HELZ: variants seen among roughly 807,000 people sequenced by gnomAD.
HELZ encodes helicase with zinc finger.
Under a neutral mutation model 218.2 loss-of-function variants are expected in HELZ, and 23 were observed. The ratio of observed to expected loss-of-function variants is 0.11; its 90% CI spans 0.08 to 0.15. The LOEUF is 0.15. HELZ is among the 10% of genes least tolerant of loss of function. The pLI, the probability that HELZ is intolerant of heterozygous loss-of-function variation, is 1.00. For missense variants in HELZ, 1,813 were observed against 2,353.7 expected, an observed-to-expected ratio of 0.77 and a Z score of 4.75; for synonymous variants, 814 against 829.4, an observed-to-expected ratio of 0.98 and a Z score of 0.32.
chr17:67,196,623 T>C (rs892740023), intron 7 of HELZ, among the ~76,000 whole-genome samples: 1 of 110,526 alleles, frequency 9.0e-6, no homozygotes, highest in Non-Finnish European at 1.8e-5. Flanking sequence ...GGTGGGTGGA[T>C]GGGAACATGG....
At chr17:67,173,815 C>A (rs1175182608) in intron 13 of HELZ, among the ~76,000 whole-genome samples, 1 of 151,892 alleles carries the variant, frequency 6.6e-6, no homozygotes, top group African/African-American at 2.4e-5. Context: ...CCACACTAGG[C>A]CTGTCACCAA....
intron 22 of HELZ, among the ~76,000 whole-genome samples, chr17:67,137,547 TAA>T (rs1232934912): frequency 1.3e-5 from 2 of 152,196 alleles, no homozygotes; most frequent in Non-Finnish European, 2.9e-5. Flanking sequence ...GAACATAATT[TAA>T]AAGAGTTGCT....
intron 23 of HELZ, among the ~76,000 whole-genome samples, chr17:67,132,063 G>A (rs1315783182): frequency 6.6e-6 from 1 of 152,124 alleles, no homozygotes; most frequent in African/African-American, 2.4e-5. Context: ...AAACCCAAGT[G>A]TGTATTACAC....
chr17:67,144,046 A>G (rs1266817247), intron 21 of HELZ, among the ~76,000 whole-genome samples: 2 of 152,174 alleles, frequency 1.3e-5, no homozygotes, highest in African/African-American at 4.8e-5. Flanking sequence ...TATAAAAGAT[A>G]TCATTTTCCC....
Position 67,109,486 on chromosome 17 carries a change from A to G in HELZ, c.4119T>C (p.Ile1373=). Residue 1373 remains isoleucine, a synonymous_variant, in exon 29 of 33, where the codon ATT becomes ATC. Coordinates refer to ENST00000358691, the MANE Select transcript of HELZ (RefSeq NM_014877.4). ...LPQLPRPPFP[I]PQQHTLLNQQ... is the part of the protein sequence containing the mutation. The stretch of plus-strand genomic sequence containing the variant: ...GATTTAACAAGGTGTGCTGCTGTGG[A>G]ATTGGAAAGGGTGGTCTTGGTAGCT... The G allele has an allele frequency of 1.2e-6, 2 of 1,614,022 alleles. No individual in the cohort carries two copies. The highest frequency in any genetic ancestry group is 1.3e-5 in the African/African-American group (1 of 74,972).
intron 5 of HELZ, among the ~76,000 whole-genome samples, chr17:67,207,207 C>T (rs370122709): frequency 6.4e-5 from 9 of 141,164 alleles, no homozygotes; most frequent in Non-Finnish European, 9.1e-5. Context: ...CCACCACGCC[C>T]GGCCTTTTTT....
At chr17:67,142,378 G>C (rs1000387404) in intron 21 of HELZ, among the ~76,000 whole-genome samples, 1 of 152,018 alleles carries the variant, frequency 6.6e-6, no homozygotes, top group Admixed American at 6.5e-5. Flanking sequence ...ATTGTGGCAT[G>C]CATCTGTAGT....
chr17:67,166,406 T>G, intron 15 of HELZ, 72 bp downstream of exon 15: 1 of 1,299,488 alleles, frequency 7.7e-7, no homozygotes, highest in African/African-American at 1.5e-5. Context: ...AAAGTATGCT[T>G]GAGTTATTTG....
rs759826972 is a variant in HELZ, at chr17:67,188,288, T to C, written c.1162+31A>G. 32 of 1,568,338 alleles carry C rather than the reference T, an allele frequency of 2.0e-5. No individual in the cohort carries two copies. In the South Asian group the frequency reaches 2.9e-4, roughly 14 times the overall value. On this transcript the variant is annotated intron_variant, in intron 12 of 32. Coordinates refer to ENST00000358691, the MANE Select transcript of HELZ (RefSeq NM_014877.4). This position sits in a 1 kb window ranked among gnomAD's most constrained non-coding sequence, Gnocchi z 4.1. ...TCTTTGAATGTTGCTTTTTAACACA[T>C]TGTATCGGGGGAAAAAAGTCTAAAT...
rs1470102573 is a variant in HELZ at position 67,071,390 on chromosome 17, C to G, written c.*6862G>C. 6.6e-6 allele frequency: 1 copy of G among 152,214 alleles called. No homozygotes were observed. The highest frequency in any genetic ancestry group is 1.5e-5 in the Non-Finnish European group (1 of 68,030). 9.4% of individuals were successfully genotyped at this position (152,214 alleles called of 1,614,324 possible). ...AAAGCAAAGTGTAAATAAACCGAAG[C>G]TCCCCTCTAAGTTGGGACTGCATAA... is the stretch of plus-strand genomic sequence containing the variant. On this transcript the variant is annotated 3_prime_UTR_variant, in exon 33 of 33. Transcript: ENST00000358691.
At chr17:67,178,569 T>C (rs989990273) in intron 13 of HELZ, 90 bp downstream of exon 13, 56 of 1,064,794 alleles carry the variant, frequency 5.3e-5, no homozygotes, top group Admixed American at 2.5e-5. Flanking sequence ...TTACTACCTG[T>C]CTTCACTTAG....
chr17:67,124,355 T>C (rs1174525692), intron 24 of HELZ, among the ~76,000 whole-genome samples: 1 of 152,176 alleles, frequency 6.6e-6, no homozygotes, highest in African/African-American at 2.4e-5. Flanking sequence ...GCAGTTTCTC[T>C]ATACATTTTC....
At chr17:67,198,881 G>GA (rs1427209898) in intron 7 of HELZ, among the ~76,000 whole-genome samples, 1 of 151,968 alleles carries the variant, frequency 6.6e-6, no homozygotes, top group Non-Finnish European at 1.5e-5. Context: ...TAGTTAGATA[G>GA]AAAAAAATTA....
At chr17:67,114,059 C>T (rs918996526) in intron 28 of HELZ, among the ~76,000 whole-genome samples, 2 of 152,208 alleles carry the variant, frequency 1.3e-5, no homozygotes, top group Non-Finnish European at 2.9e-5. Flanking sequence ...GCTCTGTCTT[C>T]ATTTACTACC....
Position 67,107,666 on chromosome 17 carries a change from C to T in HELZ, c.4744G>A (p.Glu1582Lys). ...TYSRFQDLIRELSHRDQSETR... is the reference protein window; with the variant it reads ...TYSRFQDLIRKLSHRDQSETR... ...TCACTTTGATCACGATGAGACAGTT[C>T]TCTGATTAAGTCTTGAAACCTACAT... The change falls in exon 31 of 33, where the codon GAA becomes AAA. Residue 1582 changes from glutamate (E) to lysine (K), a missense_variant. This residue lies in a region of HELZ where 938 missense variants were observed against 1,027.5 expected (regional missense o/e 0.91). Coordinates refer to ENST00000358691, the MANE Select transcript of HELZ (RefSeq NM_014877.4). 6.2e-7 allele frequency: 1 copy of T among 1,613,200 alleles called. No individual in the cohort carries two copies. The highest frequency in any genetic ancestry group is 8.5e-7 in the Non-Finnish European group (1 of 1,179,700).
rs542932846 is a variant in HELZ, at chr17:67,114,401, T to C, written c.3841A>G (p.Lys1281Glu). The change falls in exon 28 of 33, where the codon AAA becomes GAA. Residue 1281 changes from lysine (K) to glutamate (E), a missense_variant and splice_region_variant. Physicochemically the swap from Lys to Glu is moderately conservative, Grantham distance 56 (BLOSUM62 1). Around this residue, in one of 4 missense-constraint regions of HELZ, gnomAD observed 938 missense variants for 1,027.5 expected, o/e 0.91. Transcript: ENST00000358691. ...KDQHEQNRNGKSDTNNSGPEI... is the reference protein window; with the variant it reads ...KDQHEQNRNGESDTNNSGPEI... ...GGTCCGGAATTATTTGTATCACTTT[T>C]ACCTAAGAAAATATTTAAAAATCCT... 1 of 1,582,774 alleles carries C rather than the reference T, an allele frequency of 6.3e-7. No homozygotes were observed. The highest frequency in any genetic ancestry group is 1.7e-5 in the Admixed American group (1 of 59,922).
intron 23 of HELZ, among the ~76,000 whole-genome samples, chr17:67,133,636 T>C (rs1487642364): frequency 6.6e-6 from 1 of 152,138 alleles, no homozygotes; most frequent in African/African-American, 2.4e-5. Flanking sequence ...CACCTCAGCC[T>C]CCTGAGTAGC....
In HELZ at chr17:67,114,392, T is replaced by C; in HGVS notation, c.3850A>G (p.Thr1284Ala). The C allele has an allele frequency of 6.2e-7, 1 of 1,602,110 alleles. No individual in the cohort carries two copies. Reference sequence around the variant, plus strand: ...TTAATTTCAGGTCCGGAATTATTTGTATCACTTTTACCTAAGAAAATATTT... The same window carrying C: ...TTAATTTCAGGTCCGGAATTATTTGCATCACTTTTACCTAAGAAAATATTT... ...HEQNRNGKSDTNNSGPEINKI... is the reference protein window; with the variant it reads ...HEQNRNGKSDANNSGPEINKI... The change falls in exon 28 of 33, where the codon ACA becomes GCA. Residue 1284 changes from threonine (T) to alanine (A), a missense_variant. By Grantham distance (58) the Thr-to-Ala change is moderately conservative. This residue lies in a region of HELZ where 938 missense variants were observed against 1,027.5 expected (regional missense o/e 0.91). Coordinates refer to ENST00000358691, the MANE Select transcript of HELZ (RefSeq NM_014877.4).
chr17:67,151,301 G>A, intron 17 of HELZ, 77 bp from the exon 18 acceptor site: 1 of 1,134,800 alleles, frequency 8.8e-7, no homozygotes, highest in Non-Finnish European at 1.3e-6. Flanking sequence ...CACTGACATT[G>A]TTATTTTAAG....
Sources: allele counts gnomAD v4.1 joint callset (sites outside exome capture counted in the v4.1 genomes callset), GRCh38; gene constraint gnomAD v4.1.1; regional missense constraint gnomAD v4.1.1; non-coding constraint Gnocchi (gnomAD v3.1); transcripts MANE v1.5; gene names NCBI Gene and HGNC (gene_info 2026-07-23, HGNC 2026-07-21).